The following PRR5L variants were observed in gnomAD, a reference collection of about 807,000 sequenced individuals.
PRR5L encodes proline rich 5 like.
Under a neutral mutation model 36.4 loss-of-function variants are expected in PRR5L, and 21 were observed. The observed-to-expected ratio is 0.58, with a 90% CI of 0.41 to 0.83. The LOEUF (loss-of-function observed/expected upper bound fraction) is 0.83, where lower values mean the gene tolerates loss of function less well. Among genes scored for constraint, PRR5L ranks in the 40% least tolerant of loss-of-function variants. The pLI is 0.00. For synonymous variants in PRR5L, 188 were observed against 197.0 expected (o/e 0.95, Z 0.38); for missense variants, 381 against 473.3 (o/e 0.80, Z 1.81).
intron 6 of PRR5L, among the ~76,000 whole-genome samples, chr11:36,443,293 T>C (rs1858761638): frequency 6.6e-6 from 1 of 152,138 alleles, no homozygotes; most frequent in Non-Finnish European, 1.5e-5. Flanking sequence ...TGTGAATTAA[T>C]TGAGAACTCA....
intron 1 of PRR5L, among the ~76,000 whole-genome samples, chr11:36,332,678 C>A: frequency 6.6e-6 from 1 of 152,090 alleles, no homozygotes; most frequent in Non-Finnish European, 1.5e-5. Flanking sequence ...GCTTTGTGAC[C>A]TTCCCTTGGT....
rs147104913 is a variant in PRR5L, at chr11:36,404,399, C to T, written c.245+1021C>T. Among the ~76,000 whole-genome samples the T allele has an allele frequency of 5.1e-3, 780 of 151,736 alleles. 8 individuals are homozygous for T. Among genetic ancestry groups the T allele is most frequent in the African/African-American group, 0.016 (665 of 41,394 alleles). ...CAATTCCCTGCCTCAGTCTCCTGAGCTGGGATCACAGGTGCCCACCACCAT... is the reference window on the plus strand; with the variant it reads ...CAATTCCCTGCCTCAGTCTCCTGAGTTGGGATCACAGGTGCCCACCACCAT... On this transcript the variant is annotated intron_variant, in intron 3 of 8. Coordinates refer to ENST00000530639, the MANE Select transcript of PRR5L (RefSeq NM_001160167.2).
At chr11:36,334,560 T>TC (rs1466113513) in intron 1 of PRR5L, among the ~76,000 whole-genome samples, 1 of 152,206 alleles carries the variant, frequency 6.6e-6, no homozygotes, top group Non-Finnish European at 1.5e-5. Flanking sequence ...TGTAACCCTT[T>TC]CCCCTCCCTC....
intron 1 of PRR5L, among the ~76,000 whole-genome samples, chr11:36,332,368 G>A (rs960597385): frequency 4.6e-5 from 7 of 152,094 alleles, no homozygotes; most frequent in African/African-American, 9.7e-5. Flanking sequence ...GTTCTCCTCC[G>A]TGTGACTTTG....
intron 1 of PRR5L, chr11:36,381,747 G>T (rs938249441): frequency 6.6e-6 from 1 of 152,116 alleles, no homozygotes; most frequent in African/African-American, 2.4e-5. Flanking sequence ...CACTTTCCTT[G>T]TAAAACATCT....
At chr11:36,343,692 C>T (rs1457644547) in intron 1 of PRR5L, among the ~76,000 whole-genome samples, 1 of 152,168 alleles carries the variant, frequency 6.6e-6, no homozygotes, top group Non-Finnish European at 1.5e-5. Flanking sequence ...GTTTCCATCA[C>T]TTACCAAAAA....
At chr11:36,342,938 T>A (rs991523978) in intron 1 of PRR5L, among the ~76,000 whole-genome samples, 1 of 152,242 alleles carries the variant, frequency 6.6e-6, no homozygotes, top group Admixed American at 6.5e-5. Flanking sequence ...GGGCACTGGA[T>A]AGAACTGCTT....
chr11:36,378,648 G>A (rs1490256190), intron 1 of PRR5L, among the ~76,000 whole-genome samples: 1 of 152,104 alleles, frequency 6.6e-6, no homozygotes, highest in Non-Finnish European at 1.5e-5. Context: ...ATTTCTGTGG[G>A]TGAAATTTCA....
intron 1 of PRR5L, among the ~76,000 whole-genome samples, chr11:36,298,658 C>T: frequency 6.6e-6 from 1 of 152,224 alleles, no homozygotes; most frequent in East Asian, 1.9e-4. Context: ...GCTGTGTGGC[C>T]TGGTTCCTAA....
chr11:36,317,329 T>C (rs1467578961), intron 1 of PRR5L, among the ~76,000 whole-genome samples: 2 of 152,254 alleles, frequency 1.3e-5, no homozygotes, highest in African/African-American at 4.8e-5. Flanking sequence ...CAAGTTATTC[T>C]GCCTCTCTGA....
chr11:36,332,826 C>T (rs553142185), intron 1 of PRR5L, among the ~76,000 whole-genome samples: 96 of 152,362 alleles, frequency 6.3e-4, no homozygotes, highest in Middle Eastern at 6.8e-3. Context: ...TGAGTGGAAG[C>T]TTGCTGAGGC....
At chr11:36,453,335 C>T (rs1385377490) in intron 8 of PRR5L, among the ~76,000 whole-genome samples, 3 of 152,156 alleles carry the variant, frequency 2.0e-5, no homozygotes, top group Non-Finnish European at 4.4e-5. Flanking sequence ...ATTTTGGTGT[C>T]CTATCCCAGG....
Position 36,440,113 on chromosome 11 carries a change from C to T in PRR5L, c.444+2637C>T, listed in dbSNP as rs184227034. ...GTTTATGTGGCAGGTTGGTATAAAC[C>T]GGGTACCCCATACCCTCCCTTAAAA... On this transcript the variant is annotated intron_variant, in intron 6 of 8. Coordinates refer to ENST00000530639, the MANE Select transcript of PRR5L (RefSeq NM_001160167.2). 1.9e-3 allele frequency among the ~76,000 whole-genome samples: 289 copies of T among 152,240 alleles called. 2 individuals carry two copies. Among genetic ancestry groups the T allele is most frequent in the Admixed American group, 0.01 (153 of 15,290 alleles).
chr11:36,381,405 G>T (rs1311821853), intron 1 of PRR5L, among the ~76,000 whole-genome samples: 1 of 141,328 alleles, frequency 7.1e-6, no homozygotes, highest in Non-Finnish European at 1.6e-5. Context: ...ATAGCTGAAA[G>T]GATTTGTTTT....
chr11:36,431,946 T>A, intron 5 of PRR5L, 36 bp downstream of exon 5: 2 of 1,571,536 alleles, frequency 1.3e-6, no homozygotes, highest in Non-Finnish European at 1.8e-6. Flanking sequence ...CTGGGGCCTC[T>A]GTGACTCAGT....
chr11:36,414,643 T>G (rs1307313474), intron 3 of PRR5L, among the ~76,000 whole-genome samples: 8 of 143,228 alleles, frequency 5.6e-5, no homozygotes, highest in South Asian at 4.7e-4. Context: ...TTGTGAAAAT[T>G]TTCTCCCATT....
chr11:36,302,108 G>A (rs1352970083), intron 1 of PRR5L, among the ~76,000 whole-genome samples: 1 of 152,188 alleles, frequency 6.6e-6, no homozygotes, highest in Non-Finnish European at 1.5e-5. Flanking sequence ...ATATTTTGTA[G>A]TAAAAACTGG....
chr11:36,390,530 G>A (rs1185465096), intron 1 of PRR5L, among the ~76,000 whole-genome samples: 2 of 152,168 alleles, frequency 1.3e-5, no homozygotes, highest in Non-Finnish European at 2.9e-5. Context: ...TGTTACCTGA[G>A]ACAAGTTAAA....
At chr11:36,403,793 C>T (rs1857852311) in intron 3 of PRR5L, among the ~76,000 whole-genome samples, 1 of 152,200 alleles carries the variant, frequency 6.6e-6, no homozygotes, top group Admixed American at 6.5e-5. Flanking sequence ...GAGTGCGTCT[C>T]TGTTGGCCAG....
Sources: allele counts gnomAD v4.1 joint callset (sites outside exome capture counted in the v4.1 genomes callset), GRCh38; gene constraint gnomAD v4.1.1; transcripts MANE v1.5; gene names NCBI Gene and HGNC (gene_info 2026-07-23, HGNC 2026-07-21).